The following RARB variants were observed in gnomAD, a reference collection of about 807,000 sequenced individuals.
The protein encoded by RARB is retinoic acid receptor beta, also known as HBV-activated protein.
In RARB, 17 loss-of-function variants were observed where a neutral mutation model predicts 51.9. The observed-to-expected ratio is 0.33, with a 90% CI of 0.22 to 0.49. RARB has a LOEUF of 0.49. Among genes scored for constraint, RARB ranks in the 20% least tolerant of loss-of-function variants. RARB has a pLI of 0.99. For synonymous variants in RARB, 215 were observed against 195.4 expected, an observed-to-expected ratio of 1.10 and a Z score of -0.84; for missense variants, 369 against 550.8, an observed-to-expected ratio of 0.67 and a Z score of 3.30.
chr3:25,037,568 T>G (rs1698023501), intron 2 of RARB, among the ~76,000 whole-genome samples: 1 of 152,104 alleles, frequency 6.6e-6, no homozygotes, highest in African/African-American at 2.4e-5. Context: ...ATGTGTCACT[T>G]GGCTCAACAA....
intron 1 of RARB, among the ~76,000 whole-genome samples, chr3:25,437,975 C>A (rs1708502581): frequency 1.3e-5 from 2 of 152,232 alleles, no homozygotes; most frequent in African/African-American, 2.4e-5. Flanking sequence ...CCTGGTCTAA[C>A]AATTTATTAT....
chr3:25,468,783 G>A (rs998135473), intron 2 of RARB, among the ~76,000 whole-genome samples: 8 of 152,172 alleles, frequency 5.3e-5, no homozygotes, highest in African/African-American at 1.9e-4. Context: ...TCCCAAGAAG[G>A]GACAGTTAGC....
intron 2 of RARB, among the ~76,000 whole-genome samples, chr3:25,489,601 C>G (rs954855422): frequency 6.6e-6 from 1 of 152,198 alleles, no homozygotes; most frequent in Non-Finnish European, 1.5e-5. Context: ...ACACAAAGAT[C>G]AATTGTTGCA....
chr3:25,401,005 C>T (rs1385424008), intron 5 of RARB, among the ~76,000 whole-genome samples: 1 of 152,074 alleles, frequency 6.6e-6, no homozygotes, highest in Non-Finnish European at 1.5e-5. Context: ...AAAACTCATG[C>T]CCCCTCAGGA....
At position 25,108,603 on chromosome 3, in the gene RARB, A is replaced by AT. The variant is rs1202300624; in HGVS notation, c.-327-23557dup. On this transcript the variant is annotated intron_variant, in intron 3 of 11. Coordinates refer to the RARB transcript ENST00000383772. ...ATCTAACTGCCAGGAAGCCTGGGAAATGTCTAATTCAGTGTCCAGGGAAAA... is the reference window on the plus strand; with the variant it reads ...ATCTAACTGCCAGGAAGCCTGGGAAATTGTCTAATTCAGTGTCCAGGGAAAA... Among the ~76,000 whole-genome samples the AT allele has an allele frequency of 3.6e-4, 55 of 151,994 alleles. 1 individual carries two copies. Among genetic ancestry groups the AT allele is most frequent in the Non-Finnish European group, 6.5e-4 (44 of 67,978 alleles).
chr3:25,125,598 G>A (rs1462273401), intron 3 of RARB, among the ~76,000 whole-genome samples: 1 of 152,088 alleles, frequency 6.6e-6, no homozygotes, highest in Non-Finnish European at 1.5e-5. Flanking sequence ...AAAACAAGGG[G>A]AAAGAAGACA....
intron 5 of RARB, among the ~76,000 whole-genome samples, chr3:25,363,035 G>C (rs1302859266): frequency 6.6e-6 from 1 of 151,864 alleles, no homozygotes; most frequent in Non-Finnish European, 1.5e-5. Context: ...AAGTTGAGTG[G>C]ATAGGAGCTT....
chr3:25,452,395 C>G (rs141902800), intron 1 of RARB, among the ~76,000 whole-genome samples: 128 of 147,570 alleles, frequency 8.7e-4, no homozygotes, highest in African/African-American at 1.1e-3. Flanking sequence ...TATTGCTGGC[C>G]GTAAGCCCAG....
chr3:25,127,990 A>G (rs1292718995), intron 3 of RARB, among the ~76,000 whole-genome samples: 3 of 152,148 alleles, frequency 2.0e-5, no homozygotes, highest in Admixed American at 2.0e-4. Context: ...TGGCAAATGC[A>G]TCTGATAGGT....
intron 3 of RARB, among the ~76,000 whole-genome samples, chr3:25,115,902 G>A (rs925624797): frequency 2.0e-5 from 3 of 151,954 alleles, no homozygotes; most frequent in Non-Finnish European, 4.4e-5. Context: ...AAGTGCTGGG[G>A]TTACAGGCAT....
At chr3:25,482,440 A>G (rs1237791754) in intron 2 of RARB, among the ~76,000 whole-genome samples, 1 of 151,328 alleles carries the variant, frequency 6.6e-6, no homozygotes. Flanking sequence ...TTTAGAACCC[A>G]GTAGACCAGC....
At chr3:25,122,673 T>C (rs1476373152) in intron 3 of RARB, among the ~76,000 whole-genome samples, 1 of 152,100 alleles carries the variant, frequency 6.6e-6, no homozygotes, top group Admixed American at 6.5e-5. Context: ...CTTGGTTAAA[T>C]GGTCTTAAGT....
chr3:25,082,790 T>C (rs1699032785), intron 3 of RARB, among the ~76,000 whole-genome samples: 1 of 152,140 alleles, frequency 6.6e-6, no homozygotes, highest in Non-Finnish European at 1.5e-5. Flanking sequence ...CTTTCTCTGC[T>C]GTTTCCAATA....
chr3:25,076,052 A>T (rs1698864353), intron 3 of RARB, among the ~76,000 whole-genome samples: 1 of 152,222 alleles, frequency 6.6e-6, no homozygotes, highest in Non-Finnish European at 1.5e-5. Context: ...AATCTTTATT[A>T]GGATGAAACA....
intron 3 of RARB, among the ~76,000 whole-genome samples, chr3:25,115,261 A>C (rs1050246875): frequency 3.9e-5 from 6 of 152,208 alleles, no homozygotes; most frequent in African/African-American, 1.4e-4. Context: ...GAAGTATAAC[A>C]TTTAACATAA....
At position 24,960,596 on chromosome 3, in the gene RARB, C is replaced by T. The variant is rs577003480; in HGVS notation, c.-379-99529C>T. Among the ~76,000 whole-genome samples, 4 of 152,202 alleles carry T rather than the reference C, an allele frequency of 2.6e-5. 1 individual carries two copies. Among genetic ancestry groups the T allele is most frequent in the South Asian group, 4.2e-4 (2 of 4,818 alleles). The stretch of plus-strand genomic sequence containing the variant: ...AAAGTGGAAAATTGTGAACACCTTC[C>T]AGGTATGCTAAATTGAAATATGTGA... On this transcript the variant is annotated intron_variant, in intron 2 of 11. Transcript: ENST00000383772.
intron 5 of RARB, among the ~76,000 whole-genome samples, chr3:25,586,283 C>T (rs1701384471): frequency 6.6e-6 from 1 of 152,182 alleles, no homozygotes; most frequent in Non-Finnish European, 1.5e-5. Context: ...CTCCCTCACA[C>T]TGCAGGTCTG....
intron 3 of RARB, among the ~76,000 whole-genome samples, chr3:25,079,618 A>T (rs955160959): frequency 6.6e-6 from 1 of 152,172 alleles, no homozygotes; most frequent in African/African-American, 2.4e-5. Context: ...TTTTGAAGAT[A>T]CTTTTTCCAT....
intron 2 of RARB, among the ~76,000 whole-genome samples, chr3:24,978,307 T>G (rs527634067): frequency 6.6e-6 from 1 of 152,236 alleles, no homozygotes; most frequent in Non-Finnish European, 1.5e-5. Flanking sequence ...TTCTGTTGTT[T>G]GGAATAGTTT....
Sources: allele counts gnomAD v4.1 joint callset (sites outside exome capture counted in the v4.1 genomes callset), GRCh38; gene constraint gnomAD v4.1.1; transcripts MANE v1.5; gene names NCBI Gene and HGNC (gene_info 2026-07-23, HGNC 2026-07-21).